Variants in PHLDB2 observed in about 807,000 individuals in gnomAD.
The protein encoded by PHLDB2 is pleckstrin homology like domain family B member 2.
A neutral mutation model predicts 123.6 loss-of-function variants in PHLDB2; 71 were observed. The ratio of observed to expected loss-of-function variants is 0.57; its 90% CI spans 0.47 to 0.70. The LOEUF (loss-of-function observed/expected upper bound fraction) is 0.70, where lower values mean the gene tolerates loss of function less well. PHLDB2 is among the 30% of genes least tolerant of loss of function. PHLDB2 has a pLI of 0.00. For missense variants in PHLDB2, 1,446 were observed against 1,519.5 expected (o/e 0.95, Z 0.80); for synonymous variants, 547 against 541.6 (o/e 1.01, Z -0.14).
At chr3:111,953,145 T>C (rs1014799986) in intron 11 of PHLDB2, among the ~76,000 whole-genome samples, 13 of 152,222 alleles carry the variant, frequency 8.5e-5, no homozygotes, top group African/African-American at 3.1e-4. Flanking sequence ...AGTAGACTAC[T>C]GATTATTATT....
intron 1 of PHLDB2, among the ~76,000 whole-genome samples, chr3:111,739,351 C>T (rs182176632): frequency 3.8e-4 from 58 of 152,178 alleles, no homozygotes; most frequent in East Asian, 1.5e-3. Flanking sequence ...AGCTTTGCCA[C>T]GCCTGTGTGC....
chr3:111,748,126 G>A (rs1005600084), intron 1 of PHLDB2, among the ~76,000 whole-genome samples: 1 of 103,534 alleles, frequency 9.7e-6, no homozygotes, highest in Non-Finnish European at 1.8e-5. Flanking sequence ...ATGAGGCCTG[G>A]TGTATGGGAA....
intron 1 of PHLDB2, among the ~76,000 whole-genome samples, chr3:111,762,962 AT>A (rs2060019469): frequency 6.6e-6 from 1 of 152,194 alleles, no homozygotes; most frequent in South Asian, 2.1e-4. Flanking sequence ...AAATGGAAAG[AT>A]TAAAACTAGC....
In PHLDB2 at chr3:111,969,618, CT is replaced by C. The variant is rs2072038411; in HGVS notation, c.3316-70del. The C allele has an allele frequency of 6.3e-5, 79 of 1,245,344 alleles. 1 individual carries two copies. In the South Asian group the frequency reaches 9.9e-4, roughly 16 times the overall value. The allele number at this position is 1,245,344 out of a possible 1,614,324, so 77.1% of individuals were successfully genotyped here. On this transcript the variant is annotated intron_variant, in intron 15 of 17. Coordinates refer to ENST00000431670, the MANE Select transcript of PHLDB2 (RefSeq NM_001134438.2). ...GCTTAGGTTTTACAGTTAATTTCTG[CT>C]TCTAAACATCTGTGACCTAAAACAA...
intron 1 of PHLDB2, among the ~76,000 whole-genome samples, chr3:111,862,845 C>T (rs1487679592): frequency 6.6e-6 from 1 of 152,166 alleles, no homozygotes; most frequent in East Asian, 1.9e-4. Flanking sequence ...CCTCAGAGAT[C>T]ACTTAATTTC....
intron 1 of PHLDB2, among the ~76,000 whole-genome samples, chr3:111,766,501 C>T (rs1377283354): frequency 1.5e-4 from 22 of 150,984 alleles, no homozygotes; most frequent in Admixed American, 1.4e-3. Flanking sequence ...AATTTTTACA[C>T]GTGCATAAAA....
At chr3:111,864,458 C>T (rs916358944) in intron 1 of PHLDB2, among the ~76,000 whole-genome samples, 2 of 152,154 alleles carry the variant, frequency 1.3e-5, no homozygotes, top group African/African-American at 4.8e-5. Flanking sequence ...GAATTTGAAC[C>T]TTCTGGGAGT....
At chr3:111,779,830 A>T (rs2060337480) in intron 1 of PHLDB2, 1 of 982,088 alleles carries the variant, frequency 1.0e-6, no homozygotes, top group Admixed American at 6.2e-5. Context: ...CCTTTGCTAC[A>T]CAGGTCTCTG....
intron 1 of PHLDB2, among the ~76,000 whole-genome samples, chr3:111,861,678 A>C (rs1040594520): frequency 6.6e-6 from 1 of 152,202 alleles, no homozygotes. Flanking sequence ...TACTTGGGAA[A>C]TTGGACTGAG....
intron 2 of PHLDB2, among the ~76,000 whole-genome samples, chr3:111,906,694 T>C (rs1709211): frequency 0.38 from 58,233 of 152,142 alleles, 11,632 homozygotes; most frequent in East Asian, 0.71. Flanking sequence ...TATTATTCTT[T>C]GGGAGAATAG....
chr3:111,807,350 A>G (rs1055786732), intron 1 of PHLDB2, among the ~76,000 whole-genome samples: 1 of 152,224 alleles, frequency 6.6e-6, no homozygotes, highest in African/African-American at 2.4e-5. Flanking sequence ...CAAAGAACAT[A>G]AAGAGGGAAA....
At chr3:111,901,392 T>A (rs2067196241) in intron 2 of PHLDB2, among the ~76,000 whole-genome samples, 1 of 152,002 alleles carries the variant, frequency 6.6e-6, no homozygotes, top group South Asian at 2.1e-4. Flanking sequence ...CATAATATTT[T>A]TATGTGATAT....
intron 1 of PHLDB2, among the ~76,000 whole-genome samples, chr3:111,872,948 T>G (rs1003362301): frequency 7.9e-5 from 12 of 152,190 alleles, no homozygotes; most frequent in African/African-American, 2.7e-4. Context: ...AATCTCTAAA[T>G]GCAGAACCTT....
intron 1 of PHLDB2, among the ~76,000 whole-genome samples, chr3:111,861,855 C>T (rs1299499653): frequency 6.6e-6 from 1 of 152,148 alleles, no homozygotes; most frequent in Non-Finnish European, 1.5e-5. Context: ...TTCAAAGCTC[C>T]ATTTTGAGAT....
chr3:111,812,723 C>A (rs1429211007), intron 1 of PHLDB2, among the ~76,000 whole-genome samples: 1 of 152,154 alleles, frequency 6.6e-6, no homozygotes, highest in Non-Finnish European at 1.5e-5. Flanking sequence ...CATCAAATAC[C>A]ACTAGCCTTT....
At chr3:111,820,646 G>T (rs573691116) in intron 1 of PHLDB2, among the ~76,000 whole-genome samples, 1 of 152,190 alleles carries the variant, frequency 6.6e-6, no homozygotes, top group Non-Finnish European at 1.5e-5. Context: ...ATGTACCTTT[G>T]AGAGAGCAGA....
rs3177101 is a variant in PHLDB2, at chr3:111,975,246, G to A, written c.*683G>A. ...ACCACTGGTGTAAGCTACTATATATGTATATATATATGTAGTAAACCACTT... is the reference window on the plus strand; with the variant it reads ...ACCACTGGTGTAAGCTACTATATATATATATATATATGTAGTAAACCACTT... On this transcript the variant is annotated 3_prime_UTR_variant, in exon 18 of 18. Transcript: ENST00000431670. The A allele has an allele frequency of 0.2, 30,111 of 151,474 alleles. 3,061 individuals carry two copies. Among genetic ancestry groups the A allele is most frequent in the Middle Eastern group, 0.29 (83 of 290 alleles). 9.4% of individuals were successfully genotyped at this position (151,474 alleles called of 1,614,324 possible).
At chr3:111,899,488 C>G (rs1175311712) in intron 2 of PHLDB2, among the ~76,000 whole-genome samples, 1 of 152,122 alleles carries the variant, frequency 6.6e-6, no homozygotes, top group African/African-American at 2.4e-5. Flanking sequence ...TAGATCTGAA[C>G]AGTGGGCTTA....
chr3:111,747,154 T>G (rs2059694378), intron 1 of PHLDB2, among the ~76,000 whole-genome samples: 1 of 152,214 alleles, frequency 6.6e-6, no homozygotes, highest in Admixed American at 6.5e-5. Flanking sequence ...TGTAATCATT[T>G]TAATACTATA....
Sources: allele counts gnomAD v4.1 joint callset (sites outside exome capture counted in the v4.1 genomes callset), GRCh38; gene constraint gnomAD v4.1.1; transcripts MANE v1.5; gene names NCBI Gene and HGNC (gene_info 2026-07-23, HGNC 2026-07-21).